ELP4: variants seen among roughly 807,000 people sequenced by gnomAD.
ELP4 encodes elongator complex protein 4.
Under a neutral mutation model 48.9 loss-of-function variants are expected in ELP4, and 51 were observed. The ratio of observed to expected loss-of-function variants is 1.04; its 90% CI spans 0.83 to 1.32. ELP4 has a LOEUF of 1.32. ELP4 is among the 40% of genes most tolerant of loss of function. The pLI, the probability that ELP4 is intolerant of heterozygous loss-of-function variation, is 0.00. For synonymous variants in ELP4, 210 were observed against 189.2 expected (o/e 1.11, Z -0.90); for missense variants, 519 against 514.6 (o/e 1.01, Z -0.08).
chr11:31,763,657 A>G lies in ELP4; in HGVS notation c.1144-19736A>G, dbSNP rs904017287. ...TAGTTTAAGGTGTTCACATACTGCT[A>G]TTTAATCACCTTTTTACCAAAGATT... is the stretch of plus-strand genomic sequence containing the variant. On this transcript the variant is annotated intron_variant, in intron 9 of 9. Coordinates refer to ENST00000640961, the MANE Select transcript of ELP4 (RefSeq NM_019040.5). 31 of 1,106,584 alleles carry G rather than the reference A, an allele frequency of 2.8e-5. No individual in the cohort carries two copies. The African/African-American group carries it at 4.6e-4, about 17-fold the overall frequency. The allele number at this position is 1,106,584 out of a possible 1,614,324, so 68.5% of individuals were successfully genotyped here.
intron 9 of ELP4, among the ~76,000 whole-genome samples, chr11:31,739,379 A>G (rs1265649252): frequency 3.3e-5 from 5 of 152,170 alleles, no homozygotes; most frequent in Non-Finnish European, 7.4e-5. Flanking sequence ...TCTATGTTGT[A>G]TAGCACTTTT....
intron 3 of ELP4, among the ~76,000 whole-genome samples, chr11:31,591,059 T>C (rs1441621140): frequency 6.6e-6 from 1 of 152,032 alleles, no homozygotes; most frequent in Non-Finnish European, 1.5e-5. Flanking sequence ...GTCTACTATC[T>C]AAAATAAATA....
rs1042492245 is a variant in ELP4 at position 31,525,554 on chromosome 11, A to G, written c.259+5463A>G. Among the ~76,000 whole-genome samples, 14 of 152,336 alleles carry G rather than the reference A, an allele frequency of 9.2e-5. No individual in the cohort carries two copies. In the East Asian group the frequency reaches 2.5e-3, roughly 27 times the overall value. On this transcript the variant is annotated intron_variant, in intron 2 of 9. Transcript: ENST00000640961. The stretch of plus-strand genomic sequence containing the variant: ...GAAAACAATCAGTACACAATAGAGG[A>G]TATCAACAGAGTATGCCTATGTAAT...
intron 9 of ELP4, among the ~76,000 whole-genome samples, chr11:31,765,986 A>G (rs1294683724): frequency 1.3e-5 from 2 of 152,028 alleles, no homozygotes; most frequent in Non-Finnish European, 2.9e-5. Context: ...TTTTCCCATT[A>G]ATACATTGGG....
At chr11:31,512,534 T>C (rs2133866600) in intron 1 of ELP4, 1 of 152,356 alleles carries the variant, frequency 6.6e-6, no homozygotes, top group South Asian at 2.1e-4. Flanking sequence ...TATTATGAGA[T>C]ATTGATATAC....
chr11:31,682,109 G>C (rs1281846695), intron 9 of ELP4: 1 of 1,235,110 alleles, frequency 8.1e-7, no homozygotes, highest in Non-Finnish European at 1.0e-6. Context: ...TAGTGCTTCT[G>C]TAATGTCAGC....
intron 2 of ELP4, among the ~76,000 whole-genome samples, chr11:31,530,811 C>T (rs1378367946): frequency 6.6e-6 from 1 of 152,064 alleles, no homozygotes; most frequent in Non-Finnish European, 1.5e-5. Flanking sequence ...CTCCCTTCAC[C>T]ATCACTGTTT....
rs1401690573 is a variant in ELP4, at chr11:31,628,508, G to A, written c.738+1314G>A. 2.0e-5 allele frequency: 3 copies of A among 151,368 alleles called. No homozygotes were observed. In the East Asian group the frequency reaches 5.8e-4, roughly 29 times the overall value. The allele number at this position is 151,368 out of a possible 1,614,324, so 9.4% of individuals were successfully genotyped here. A position where few individuals can be genotyped will look rare whatever the true frequency, so the allele number is the denominator to read the frequency against. ...AATCCTTAATAAGTAAGCTAGTATA[G>A]GAATAGAGTAAAACATTTGTTTTCT... On this transcript the variant is annotated intron_variant, in intron 6 of 9. Transcript: ENST00000640961.
At chr11:31,744,876 G>T (rs1947545003) in intron 9 of ELP4, among the ~76,000 whole-genome samples, 1 of 152,146 alleles carries the variant, frequency 6.6e-6, no homozygotes, top group Non-Finnish European at 1.5e-5. Context: ...CATAGTGTTG[G>T]AAGTTCTGGC....
At chr11:31,670,246 C>T (rs1312127932) in intron 9 of ELP4, among the ~76,000 whole-genome samples, 1 of 152,086 alleles carries the variant, frequency 6.6e-6, no homozygotes, top group South Asian at 2.1e-4. Flanking sequence ...TAAGGCCAAA[C>T]CAACTGAGCA....
intron 8 of ELP4, 106 bp downstream of exon 8, chr11:31,647,955 A>T: frequency 1.5e-6 from 1 of 660,502 alleles, no homozygotes; most frequent in South Asian, 1.8e-5. Context: ...TATGAATTTT[A>T]TAATACACCT....
intron 9 of ELP4, among the ~76,000 whole-genome samples, chr11:31,661,009 A>G (rs192496451): frequency 3.9e-5 from 6 of 152,206 alleles, no homozygotes; most frequent in Admixed American, 6.5e-5. Flanking sequence ...CATGTTATGT[A>G]TGTATATTTG....
intron 9 of ELP4, among the ~76,000 whole-genome samples, chr11:31,743,289 A>T (rs1391289199): frequency 6.6e-6 from 1 of 152,160 alleles, no homozygotes; most frequent in African/African-American, 2.4e-5. Flanking sequence ...CTCCCACACA[A>T]TAATAATGGG....
At chr11:31,712,170 T>C (rs1003421105) in intron 9 of ELP4, among the ~76,000 whole-genome samples, 1 of 152,014 alleles carries the variant, frequency 6.6e-6, no homozygotes, top group Non-Finnish European at 1.5e-5. Context: ...TTAATTTCAC[T>C]AACTATGGCA....
intron 3 of ELP4, among the ~76,000 whole-genome samples, chr11:31,559,004 G>T (rs1372160997): frequency 2.6e-5 from 4 of 152,048 alleles, no homozygotes. Context: ...CTGAAAACCA[G>T]AGGCATTAAA....
chr11:31,777,031 C>T (rs1948263304), intron 9 of ELP4, among the ~76,000 whole-genome samples: 1 of 152,066 alleles, frequency 6.6e-6, no homozygotes, highest in South Asian at 2.1e-4. Context: ...CAAAATTCAG[C>T]AGATGCATCC....
At chr11:31,724,100 A>G (rs141310871) in intron 9 of ELP4, among the ~76,000 whole-genome samples, 1 of 152,266 alleles carries the variant, frequency 6.6e-6, no homozygotes, top group East Asian at 1.9e-4. Context: ...GCCCGAGGTT[A>G]TGTAGCTAAT....
chr11:31,663,819 AT>A (rs1448508862), intron 9 of ELP4: 6 of 151,990 alleles, frequency 3.9e-5, no homozygotes, highest in Non-Finnish European at 8.8e-5. Context: ...TAGTTGGAAT[AT>A]TTTGGCATTT....
At chr11:31,682,469 C>G (rs1480612359) in intron 9 of ELP4, among the ~76,000 whole-genome samples, 1 of 152,206 alleles carries the variant, frequency 6.6e-6, no homozygotes, top group African/African-American at 2.4e-5. Context: ...CACCTGCTCC[C>G]TGAGCCTAGC....
Sources: allele counts gnomAD v4.1 joint callset (sites outside exome capture counted in the v4.1 genomes callset), GRCh38; gene constraint gnomAD v4.1.1; transcripts MANE v1.5; gene names NCBI Gene and HGNC (gene_info 2026-07-23, HGNC 2026-07-21).